XIRP2: variants seen among roughly 807,000 people sequenced by gnomAD.
The protein encoded by XIRP2 is xin actin binding repeat containing 2.
XIRP2 carries 236 observed loss-of-function variants against 277.0 expected under a neutral mutation model. That is an observed-to-expected ratio of 0.85 (90% CI 0.77 to 0.95). The LOEUF (loss-of-function observed/expected upper bound fraction) is 0.95. Ranked by LOEUF, XIRP2 falls within the 40% of genes least tolerant of loss-of-function variation. XIRP2 has a pLI of 0.00. For synonymous variants in XIRP2, 1,490 were observed against 1,416.5 expected (o/e 1.05, Z -1.17); for missense variants, 4,640 against 4,157.5 (o/e 1.12, Z -3.19).
At chr2:166,979,620 G>A (rs1054181043) in intron 2 of XIRP2, among the ~76,000 whole-genome samples, 1 of 151,700 alleles carries the variant, frequency 6.6e-6, no homozygotes, top group Admixed American at 6.6e-5. Flanking sequence ...TTGGTCAAAT[G>A]TTTTTCTGCA....
chr2:166,897,107 T>G (rs1262001738), intron 1 of XIRP2, among the ~76,000 whole-genome samples: 5 of 152,180 alleles, frequency 3.3e-5, no homozygotes, highest in Admixed American at 2.0e-4. Context: ...CTCAGAACAT[T>G]AAGCAACACA....
chr2:167,140,615 T>A (rs1252541750), intron 3 of XIRP2, among the ~76,000 whole-genome samples: 1 of 152,148 alleles, frequency 6.6e-6, no homozygotes, highest in African/African-American at 2.4e-5. Context: ...GCTTCCGGAC[T>A]TGCTTCCCTA....
chr2:167,160,514 G>T (rs1032952655), intron 3 of XIRP2, among the ~76,000 whole-genome samples: 1 of 152,110 alleles, frequency 6.6e-6, no homozygotes. Flanking sequence ...CATGGCAAAG[G>T]GTGAAAGGCA....
At chr2:167,118,028 C>G (rs1210180456) in intron 2 of XIRP2, among the ~76,000 whole-genome samples, 1 of 152,156 alleles carries the variant, frequency 6.6e-6, no homozygotes, top group East Asian at 1.9e-4. Context: ...AAATCAATAT[C>G]TGGCTTTGGC....
chr2:167,179,297 C>G (rs1195592686), intron 3 of XIRP2, among the ~76,000 whole-genome samples: 1 of 150,356 alleles, frequency 6.7e-6, no homozygotes, highest in Non-Finnish European at 1.5e-5. Flanking sequence ...CCAGTGAGGA[C>G]ACATTAATCA....
intron 2 of XIRP2, among the ~76,000 whole-genome samples, chr2:166,955,541 C>T (rs1574111994): frequency 6.6e-6 from 1 of 151,436 alleles, no homozygotes; most frequent in Non-Finnish European, 1.5e-5. Context: ...AAGCATTGAC[C>T]CATACACTTG....
At chr2:167,182,424 C>T (rs990408634) in intron 3 of XIRP2, among the ~76,000 whole-genome samples, 1 of 152,178 alleles carries the variant, frequency 6.6e-6, no homozygotes, top group Non-Finnish European at 1.5e-5. Context: ...CGCTTTGCTA[C>T]CATGCAGAGA....
At chr2:167,238,461 A>G (rs1170995449) in intron 5 of XIRP2, among the ~76,000 whole-genome samples, 1 of 152,074 alleles carries the variant, frequency 6.6e-6, no homozygotes, top group East Asian at 1.9e-4. Context: ...TAACATCTCT[A>G]ACTACATGAC....
At chr2:166,907,749 G>T (rs1199042088) in intron 2 of XIRP2, among the ~76,000 whole-genome samples, 1 of 147,356 alleles carries the variant, frequency 6.8e-6, no homozygotes, top group Non-Finnish European at 1.5e-5. Context: ...ATCTCCTAAG[G>T]CTATCCCTCC....
At chr2:167,129,959 AAG>A (rs541247688) in intron 2 of XIRP2, among the ~76,000 whole-genome samples, 50 of 152,110 alleles carry the variant, frequency 3.3e-4, no homozygotes, top group African/African-American at 1.0e-3. Flanking sequence ...CCTCGTTTTG[AAG>A]AGTCATAAAA....
chr2:167,192,591 A>G (rs1693381359), intron 3 of XIRP2, among the ~76,000 whole-genome samples: 1 of 152,206 alleles, frequency 6.6e-6, no homozygotes, highest in African/African-American at 2.4e-5. Flanking sequence ...TCAAATTGGT[A>G]TATTCTTGGA....
intron 2 of XIRP2, among the ~76,000 whole-genome samples, chr2:167,100,178 A>G (rs1690449857): frequency 6.6e-6 from 1 of 152,132 alleles, no homozygotes; most frequent in Non-Finnish European, 1.5e-5. Context: ...ATTAAAAAAA[A>G]ATTAAAAAAA....
chr2:167,031,251 A>G (rs982470267), intron 2 of XIRP2, among the ~76,000 whole-genome samples: 1 of 151,834 alleles, frequency 6.6e-6, no homozygotes, highest in South Asian at 2.1e-4. Flanking sequence ...CTAGCTGGTT[A>G]TTTTTCCCAT....
chr2:167,256,803 G>A (rs1695669684), intron 10 of XIRP2, among the ~76,000 whole-genome samples: 1 of 151,944 alleles, frequency 6.6e-6, no homozygotes, highest in African/African-American at 2.4e-5. Flanking sequence ...AAGAAAATAA[G>A]GCAGCTTGAT....
rs35008535 is a variant in XIRP2 at position 167,031,018 on chromosome 2, C to CTTT, written c.409-104880_409-104878dup. ...TCAGAGATTAGGATTGCAAGCTTTGCTTTTTTTTTTTTTCTTTCCACTTGC... is the reference window on the plus strand; with the variant it reads ...TCAGAGATTAGGATTGCAAGCTTTGCTTTTTTTTTTTTTTTTCTTTCCACTTGC... On this transcript the variant is annotated intron_variant, in intron 2 of 10. Transcript: ENST00000409195. Among the ~76,000 whole-genome samples the CTTT allele has an allele frequency of 3.2e-3, 456 of 144,226 alleles. 10 individuals carry two copies. In the East Asian group the frequency reaches 0.05, roughly 16 times the overall value. 94.6% of individuals were successfully genotyped at this position (144,226 alleles called of 152,430 possible). A position where few individuals can be genotyped will look rare whatever the true frequency, so the allele number is the denominator to read the frequency against.
At chr2:167,017,825 A>T (rs1020959022) in intron 2 of XIRP2, among the ~76,000 whole-genome samples, 4 of 152,138 alleles carry the variant, frequency 2.6e-5, no homozygotes, top group African/African-American at 9.6e-5. Flanking sequence ...CTCCAGTACC[A>T]ACATCTTCGG....
At chr2:167,166,505 C>T (rs541360135) in intron 3 of XIRP2, among the ~76,000 whole-genome samples, 2 of 152,096 alleles carry the variant, frequency 1.3e-5, no homozygotes, top group East Asian at 1.9e-4. Flanking sequence ...TCTGTTTTTG[C>T]GTTGCTATGA....
At chr2:167,152,746 A>G (rs2105332892) in intron 3 of XIRP2, among the ~76,000 whole-genome samples, 2 of 152,216 alleles carry the variant, frequency 1.3e-5, no homozygotes, top group Middle Eastern at 6.8e-3. Context: ...CAGTCATTAT[A>G]ATAAGGGAAC....
intron 2 of XIRP2, among the ~76,000 whole-genome samples, chr2:167,012,130 C>G (rs936540951): frequency 5.9e-5 from 9 of 151,776 alleles, no homozygotes; most frequent in African/African-American, 2.2e-4. Context: ...TCTTGCTTTT[C>G]TAGTTCTTTT....
Sources: allele counts gnomAD v4.1 joint callset (sites outside exome capture counted in the v4.1 genomes callset), GRCh38; gene constraint gnomAD v4.1.1; transcripts MANE v1.5; gene names NCBI Gene and HGNC (gene_info 2026-07-23, HGNC 2026-07-21).